CEMIP: variants seen among roughly 807,000 people sequenced by gnomAD.
CEMIP encodes the protein cell migration inducing hyaluronidase 1.
CEMIP carries 105 observed loss-of-function variants against 156.9 expected under a neutral mutation model. That is an observed-to-expected ratio of 0.67 (90% CI 0.57 to 0.79). The LOEUF (loss-of-function observed/expected upper bound fraction) is 0.79. CEMIP is among the 30% of genes least tolerant of loss of function. The pLI is 0.00. For synonymous variants in CEMIP, 676 were observed against 668.4 expected, an observed-to-expected ratio of 1.01 and a Z score of -0.17; for missense variants, 1,457 against 1,769.4, an observed-to-expected ratio of 0.82 and a Z score of 3.17.
chr15:80,889,441 G>C, intron 9 of CEMIP, 30 bp from the exon 10 acceptor site: 1 of 1,613,728 alleles, frequency 6.2e-7, no homozygotes, highest in Non-Finnish European at 8.5e-7. Context: ...ACAACCTCCT[G>C]TCTGACTGTG....
In CEMIP at chr15:80,942,864, G is replaced by C. The variant is rs567996535; in HGVS notation, c.3700-81G>C. On this transcript the variant is annotated intron_variant, in intron 27 of 29. Transcript: ENST00000394685. ...TGCATAGGCAACTTCTGCCTTCAGG[G>C]TCTGCTTGGGAACCACCTGGGCAGG... is the stretch of plus-strand genomic sequence containing the variant. 5 of 1,543,052 alleles carry C rather than the reference G, an allele frequency of 3.2e-6. No individual in the cohort carries two copies. The Admixed American group carries it at 6.7e-5, about 21-fold the overall frequency.
At chr15:80,800,004 C>A (rs1896334954) in intron 1 of CEMIP, among the ~76,000 whole-genome samples, 2 of 124,048 alleles carry the variant, frequency 1.6e-5, no homozygotes, top group Admixed American at 8.9e-5. Flanking sequence ...GCACATAACA[C>A]CATGCCAGCT....
At chr15:80,780,698 T>G (rs1299744474) in intron 1 of CEMIP, among the ~76,000 whole-genome samples, 2 of 152,174 alleles carry the variant, frequency 1.3e-5, no homozygotes, top group African/African-American at 4.8e-5. Context: ...AGCGCGTCTC[T>G]CCATCCCTGC....
intron 25 of CEMIP, among the ~76,000 whole-genome samples, chr15:80,941,461 T>A (rs1225786883): frequency 6.6e-6 from 1 of 152,178 alleles, no homozygotes; most frequent in Non-Finnish European, 1.5e-5. Flanking sequence ...AATGCTGGCT[T>A]TGTCACTTCC....
intron 10 of CEMIP, among the ~76,000 whole-genome samples, chr15:80,893,381 AG>A (rs61313061): frequency 0.16 from 25,044 of 152,016 alleles, 2,624 homozygotes; most frequent in East Asian, 0.4. Context: ...GTCATTTTTC[AG>A]GTTAGAAAAA....
chr15:80,917,280 G>C (rs1467750685), intron 14 of CEMIP, among the ~76,000 whole-genome samples: 1 of 115,122 alleles, frequency 8.7e-6, no homozygotes, highest in African/African-American at 2.8e-5. Flanking sequence ...GATTTAGAAA[G>C]AGCTATGGGC....
chr15:80,874,015 A>G, intron 3 of CEMIP, 42 bp downstream of exon 3: 2 of 1,517,036 alleles, frequency 1.3e-6, no homozygotes, highest in Non-Finnish European at 1.8e-6. Flanking sequence ...CTCAGCATGG[A>G]AGGCACGGCC....
rs116821546 is a variant in CEMIP, at chr15:80,892,569, G to C, written c.1087-2421G>C. On this transcript the variant is annotated intron_variant, in intron 10 of 29. Coordinates refer to ENST00000394685, the MANE Select transcript of CEMIP (RefSeq NM_001293298.2). ...GCAGTGGCTAGAGGTCGGCCTGATG[G>C]TAACAAAAACATATTCTGAAGCCAG... 9.3e-3 allele frequency among the ~76,000 whole-genome samples: 1,419 copies of C among 152,218 alleles called. 27 individuals carry two copies. Among genetic ancestry groups the C allele is most frequent in the African/African-American group, 0.032 (1,349 of 41,560 alleles).
At chr15:80,823,066 TAAC>T (rs369505880) in intron 1 of CEMIP, among the ~76,000 whole-genome samples, 2 of 152,122 alleles carry the variant, frequency 1.3e-5, no homozygotes, top group African/African-American at 2.4e-5. Context: ...AAAATAACAA[TAAC>T]AACAACAACA....
chr15:80,788,471 CAAAAAAA>C (rs11320710), intron 1 of CEMIP, among the ~76,000 whole-genome samples: 2 of 79,330 alleles, frequency 2.5e-5, no homozygotes, highest in Admixed American at 1.4e-4. Context: ...AACTCCATCT[CAAAAAAA>C]AAAAAAAAGA....
At chr15:80,835,482 G>A (rs1257656674) in intron 1 of CEMIP, among the ~76,000 whole-genome samples, 1 of 152,240 alleles carries the variant, frequency 6.6e-6, no homozygotes, top group Non-Finnish European at 1.5e-5. Context: ...GTGATAGGCA[G>A]GGGCCCCGCA....
intron 12 of CEMIP, among the ~76,000 whole-genome samples, chr15:80,899,243 A>G (rs1454614619): frequency 6.9e-6 from 1 of 145,170 alleles, no homozygotes; most frequent in Admixed American, 6.8e-5. Flanking sequence ...GAAAGAGAGA[A>G]AGAAAACACA....
At chr15:80,828,416 G>A (rs1216687314) in intron 1 of CEMIP, among the ~76,000 whole-genome samples, 1 of 152,034 alleles carries the variant, frequency 6.6e-6, no homozygotes, top group Non-Finnish European at 1.5e-5. Context: ...CCACGCAGCA[G>A]TCCCAGAATC....
intron 11 of CEMIP, among the ~76,000 whole-genome samples, chr15:80,895,348 A>G (rs942630247): frequency 1.3e-5 from 2 of 152,182 alleles, no homozygotes; most frequent in Non-Finnish European, 2.9e-5. Context: ...CAAGGCAGTC[A>G]AGGTACAAAT....
At chr15:80,889,617 A>G (rs1898966365) in intron 10 of CEMIP, 25 bp downstream of exon 10, 4 of 1,613,472 alleles carry the variant, frequency 2.5e-6, no homozygotes, top group South Asian at 2.2e-5. Context: ...GCAAAAATAG[A>G]AAATAGAAAT....
chr15:80,916,311 G>C (rs1490614441), intron 14 of CEMIP, among the ~76,000 whole-genome samples: 1 of 152,178 alleles, frequency 6.6e-6, no homozygotes, highest in Non-Finnish European at 1.5e-5. Context: ...GTCAGGCAGA[G>C]CCCAGGAGTT....
intron 14 of CEMIP, among the ~76,000 whole-genome samples, chr15:80,919,536 C>T (rs759273491): frequency 6.6e-5 from 10 of 152,050 alleles, no homozygotes; most frequent in African/African-American, 1.9e-4. Flanking sequence ...ATCCCTGGCA[C>T]GGCGCGGTGG....
intron 1 of CEMIP, among the ~76,000 whole-genome samples, chr15:80,848,934 T>G (rs1288659197): frequency 7.0e-5 from 2 of 28,766 alleles, no homozygotes; most frequent in Non-Finnish European, 1.4e-4. Flanking sequence ...ACACCCTGGC[T>G]TCAGGGATCT....
At chr15:80,809,685 G>A (rs1010019570) in intron 1 of CEMIP, among the ~76,000 whole-genome samples, 2 of 152,148 alleles carry the variant, frequency 1.3e-5, no homozygotes, top group African/African-American at 4.8e-5. Flanking sequence ...GAGGCTATGG[G>A]GGAAAATCCG....
Sources: gnomAD v4.1 joint callset for allele counts (sites outside exome capture counted in the v4.1 genomes callset) on GRCh38, gnomAD v4.1.1 for gene constraint, MANE v1.5 for transcripts, NCBI Gene and HGNC (gene_info 2026-07-23, HGNC 2026-07-21) for gene names.